The following PAX5 variants were observed in gnomAD, a reference collection of about 807,000 sequenced individuals.
PAX5 encodes paired box protein Pax-5.
PAX5 carries 9 observed loss-of-function variants against 43.7 expected under a neutral mutation model. The ratio of observed to expected loss-of-function variants is 0.21; its 90% CI spans 0.12 to 0.36. PAX5 has a LOEUF of 0.36. PAX5 is among the 10% of genes least tolerant of loss of function. The pLI, the probability that PAX5 is intolerant of heterozygous loss-of-function variation, is 1.00. For synonymous variants in PAX5, 228 were observed against 214.3 expected, an observed-to-expected ratio of 1.06 and a Z score of -0.56; for missense variants, 383 against 532.7, an observed-to-expected ratio of 0.72 and a Z score of 2.77.
intron 6 of PAX5, among the ~76,000 whole-genome samples, chr9:36,938,030 A>G (rs1831709576): frequency 6.6e-6 from 1 of 152,234 alleles, no homozygotes; most frequent in Admixed American, 6.5e-5. Context: ...AACTAAAGGA[A>G]GGAGACACTA....
chr9:36,917,943 C>T lies in PAX5; in HGVS notation c.910+5412G>A, dbSNP rs1004840888. ...TTTGATATTCCTATTCTAATTGTTT[C>T]AGGGAGCCACAAACTGTGCCCATAT... is the stretch of plus-strand genomic sequence containing the variant. On this transcript the variant is annotated intron_variant, in intron 7 of 9. Transcript: ENST00000358127. 8.5e-5 allele frequency among the ~76,000 whole-genome samples: 13 copies of T among 152,206 alleles called. No individual in the cohort carries two copies. In the South Asian group the frequency reaches 1.7e-3, roughly 19 times the overall value.
chr9:36,954,620 G>A (rs1217500996), intron 6 of PAX5, among the ~76,000 whole-genome samples: 2 of 152,080 alleles, frequency 1.3e-5, no homozygotes, highest in Admixed American at 6.6e-5. Context: ...TTTCTCTCTG[G>A]TTGCTTTCAT....
At chr9:37,019,583 G>A (rs1839688726) in intron 2 of PAX5, among the ~76,000 whole-genome samples, 1 of 152,214 alleles carries the variant, frequency 6.6e-6, no homozygotes, top group Non-Finnish European at 1.5e-5. Flanking sequence ...GAAAGGGAAG[G>A]AGCCAGGAGA....
chr9:36,849,784 C>T (rs1822970780), intron 8 of PAX5, among the ~76,000 whole-genome samples: 1 of 152,238 alleles, frequency 6.6e-6, no homozygotes, highest in African/African-American at 2.4e-5. Context: ...GCACCCCCAA[C>T]ATGGGGCCCC....
chr9:37,034,087 CCTTTTTTTTT>C lies in PAX5; in HGVS notation c.-66_-57del. 3.2e-6 allele frequency: 2 copies of C among 628,274 alleles called. No individual in the cohort carries two copies. Among genetic ancestry groups the C allele is most frequent in the South Asian group, 2.7e-5 (1 of 36,776 alleles). The allele number at this position is 628,274 out of a possible 1,614,324, so 38.9% of individuals were successfully genotyped here. Reference sequence around the variant, plus strand: ...AGGGAAAAGTTTCCACTTTTTTGTGCCTTTTTTTTTCTTTTTTTTTTTTTTTTTTTTTTTT... The same window carrying C: ...AGGGAAAAGTTTCCACTTTTTTGTGCCTTTTTTTTTTTTTTTTTTTTTTTT... On this transcript the variant is annotated 5_prime_UTR_variant, in exon 1 of 10. Coordinates refer to ENST00000358127, the MANE Select transcript of PAX5 (RefSeq NM_016734.3).
intron 8 of PAX5, 150 bp downstream of exon 8, chr9:36,881,854 C>T (rs1826446903): frequency 1.5e-6 from 1 of 666,216 alleles, no homozygotes; most frequent in Non-Finnish European, 2.6e-6. Flanking sequence ...CCACTGCAGG[C>T]CCAGCTGCAG....
intron 3 of PAX5, among the ~76,000 whole-genome samples, chr9:37,013,766 C>T (rs1839164783): frequency 6.6e-6 from 1 of 152,198 alleles, no homozygotes; most frequent in South Asian, 2.1e-4. Context: ...TCCTCTATCT[C>T]CCCTGTACCA....
intron 7 of PAX5, among the ~76,000 whole-genome samples, chr9:36,899,496 A>G (rs1386943879): frequency 6.6e-6 from 1 of 152,182 alleles, no homozygotes; most frequent in Non-Finnish European, 1.5e-5. Context: ...CTCTGAGCCC[A>G]GCCTGCGCTC....
intron 6 of PAX5, among the ~76,000 whole-genome samples, chr9:36,960,575 T>C (rs1564012119): frequency 1.3e-5 from 2 of 152,134 alleles, no homozygotes; most frequent in African/African-American, 2.4e-5. Flanking sequence ...GATCCAACGG[T>C]AGTCGCAGGA....
At chr9:37,030,545 C>G (rs1286841382) in intron 1 of PAX5, among the ~76,000 whole-genome samples, 2 of 152,254 alleles carry the variant, frequency 1.3e-5, no homozygotes, top group Non-Finnish European at 2.9e-5. Flanking sequence ...CGCTTTCTTT[C>G]TCCCAGTAAC....
At chr9:36,861,133 G>C (rs1824177945) in intron 8 of PAX5, 1 of 152,012 alleles carries the variant, frequency 6.6e-6, no homozygotes, top group Admixed American at 6.6e-5. Context: ...TCAGTGGGAG[G>C]GGCCCAGAGA....
At chr9:36,992,220 G>C (rs10758419) in intron 5 of PAX5, among the ~76,000 whole-genome samples, 68,954 of 146,164 alleles carry the variant, frequency 0.47, 16,232 homozygotes, top group East Asian at 0.68. Context: ...TCTCCCCTTT[G>C]TCAACTGTCT....
In PAX5 at chr9:36,938,186, C is replaced by T. The variant is rs534310475; in HGVS notation, c.781-14702G>A. Among the ~76,000 whole-genome samples, 42 of 152,236 alleles carry T rather than the reference C, an allele frequency of 2.8e-4. No homozygotes were observed. The South Asian group carries it at 7.5e-3, about 27-fold the overall frequency. ...ACTTAAGAGCTTCTGCTTTTAATTA[C>T]GGAAATATATTTGCATTTTGTGGTT... On this transcript the variant is annotated intron_variant, in intron 6 of 9. Coordinates refer to ENST00000358127, the MANE Select transcript of PAX5 (RefSeq NM_016734.3).
At chr9:36,979,900 C>T (rs2132269319) in intron 5 of PAX5, among the ~76,000 whole-genome samples, 1 of 152,234 alleles carries the variant, frequency 6.6e-6, no homozygotes, top group South Asian at 2.1e-4. Context: ...AAACTGAGGC[C>T]CAGAAGGCAA....
At chr9:36,964,489 G>A (rs1465880572) in intron 6 of PAX5, among the ~76,000 whole-genome samples, 1 of 151,754 alleles carries the variant, frequency 6.6e-6, no homozygotes, top group Admixed American at 6.6e-5. Flanking sequence ...CTACTCAGGA[G>A]GCTGAGGCAG....
intron 5 of PAX5, among the ~76,000 whole-genome samples, chr9:36,997,701 C>T (rs113039920): frequency 5.9e-5 from 9 of 152,330 alleles, no homozygotes; most frequent in Middle Eastern, 6.8e-3. Flanking sequence ...AGAGACAAAG[C>T]GACATCTCAT....
chr9:37,019,257 T>G (rs917221765), intron 2 of PAX5, among the ~76,000 whole-genome samples: 1 of 152,230 alleles, frequency 6.6e-6, no homozygotes, highest in African/African-American at 2.4e-5. Context: ...CTTCGACTTT[T>G]CTTCTCTCGC....
At chr9:37,018,259 C>T (rs1839560457) in intron 2 of PAX5, among the ~76,000 whole-genome samples, 1 of 152,102 alleles carries the variant, frequency 6.6e-6, no homozygotes, top group Admixed American at 6.5e-5. Flanking sequence ...TAACATACTA[C>T]CCAATACCAA....
intron 9 of PAX5, among the ~76,000 whole-genome samples, chr9:36,844,963 C>T (rs1587731550): frequency 6.6e-6 from 1 of 152,220 alleles, no homozygotes; most frequent in African/African-American, 2.4e-5. Flanking sequence ...CACTATCAAC[C>T]TCTAGGAACC....
Sources: allele counts gnomAD v4.1 joint callset (sites outside exome capture counted in the v4.1 genomes callset), GRCh38; gene constraint gnomAD v4.1.1; transcripts MANE v1.5; gene names NCBI Gene and HGNC (gene_info 2026-07-23, HGNC 2026-07-21).